The following KCNAB2 variants were observed in gnomAD, a reference collection of about 807,000 sequenced individuals.
The protein encoded by KCNAB2 is potassium voltage-gated channel subfamily A regulatory beta subunit 2.
Under a neutral mutation model 63.6 loss-of-function variants are expected in KCNAB2, and 29 were observed. That is an observed-to-expected ratio of 0.46 (90% CI 0.34 to 0.62). The LOEUF (loss-of-function observed/expected upper bound fraction) is 0.62. KCNAB2 is among the 20% of genes least tolerant of loss of function. The pLI is 0.01. For missense variants in KCNAB2, 359 were observed against 563.9 expected (o/e 0.64, Z 3.68); for synonymous variants, 222 against 224.2 (o/e 0.99, Z 0.09).
At chr1:6,009,163 C>T (rs990050442) in intron 1 of KCNAB2, among the ~76,000 whole-genome samples, 2 of 152,236 alleles carry the variant, frequency 1.3e-5, no homozygotes, top group African/African-American at 2.4e-5. Flanking sequence ...CTATGCAGCT[C>T]TCCAAGTCCC....
chr1:6,070,263 AC>A (rs1663086201), intron 2 of KCNAB2, among the ~76,000 whole-genome samples: 1 of 152,128 alleles, frequency 6.6e-6, no homozygotes, highest in African/African-American at 2.4e-5. Flanking sequence ...AGGGGTTATG[AC>A]CCCAAAGCAG....
intron 4 of KCNAB2, among the ~76,000 whole-genome samples, chr1:6,077,762 C>T (rs1663799913): frequency 6.6e-6 from 1 of 152,192 alleles, no homozygotes; most frequent in Non-Finnish European, 1.5e-5. Flanking sequence ...GCTTGCGGAG[C>T]CCCTGCCTAG....
intron 2 of KCNAB2, among the ~76,000 whole-genome samples, chr1:6,068,853 C>T (rs570485062): frequency 7.2e-5 from 11 of 152,308 alleles, no homozygotes; most frequent in East Asian, 5.8e-4. Flanking sequence ...TCCAGTGACA[C>T]GCACAGTCCA....
At chr1:6,057,025 C>G (rs527918168) in intron 2 of KCNAB2, among the ~76,000 whole-genome samples, 8 of 151,772 alleles carry the variant, frequency 5.3e-5, no homozygotes, top group Non-Finnish European at 1.0e-4. Flanking sequence ...CCGGAACACC[C>G]CCAGCCTCTG....
At chr1:5,998,930 TG>T (rs1420846716) in intron 1 of KCNAB2, among the ~76,000 whole-genome samples, 1 of 152,164 alleles carries the variant, frequency 6.6e-6, no homozygotes, top group Admixed American at 6.5e-5. Context: ...TTGCCGCCAA[TG>T]GCTCTGGAGA....
chr1:6,074,999 C>T lies in KCNAB2; in HGVS notation c.300+1229C>T, dbSNP rs981102052. Among the ~76,000 whole-genome samples, 1 of 151,928 alleles carries T rather than the reference C, an allele frequency of 6.6e-6. No homozygotes were observed. Among genetic ancestry groups the T allele is most frequent in the East Asian group, 1.9e-4 (1 of 5,186 alleles). On this transcript the variant is annotated intron_variant, in intron 4 of 15. Transcript: ENST00000378083. The surrounding 1 kb of genome is among the most constrained non-coding windows in gnomAD (Gnocchi z 4.9). ...ATAGCTGGTTATAGAATGATTTGCC[C>T]CTTGCTTTGAAGTTGCTGGATAGGC...
intron 2 of KCNAB2, among the ~76,000 whole-genome samples, chr1:6,064,519 C>T (rs1156907516): frequency 6.6e-6 from 1 of 152,206 alleles, no homozygotes; most frequent in African/African-American, 2.4e-5. Context: ...TGCTGCTGGT[C>T]ACACCCTATA....
chr1:6,076,912 G>C (rs1220147252), intron 4 of KCNAB2, among the ~76,000 whole-genome samples: 3 of 152,200 alleles, frequency 2.0e-5, no homozygotes, highest in African/African-American at 7.2e-5. Flanking sequence ...AGGTCTAGGG[G>C]CGGTGGCTCA....
At chr1:6,080,211 C>G (rs1372113056) in intron 4 of KCNAB2, among the ~76,000 whole-genome samples, 1 of 152,180 alleles carries the variant, frequency 6.6e-6, no homozygotes, top group Non-Finnish European at 1.5e-5. Context: ...CCTCCTGGGC[C>G]TGGATGTGGG....
chr1:6,003,460 C>T lies in KCNAB2; in HGVS notation c.-53+10672C>T, dbSNP rs916727493. Among the ~76,000 whole-genome samples, 4 of 152,202 alleles carry T rather than the reference C, an allele frequency of 2.6e-5. No homozygotes were observed. Among genetic ancestry groups the T allele is most frequent in the African/African-American group, 9.7e-5 (4 of 41,438 alleles). On this transcript the variant is annotated intron_variant, in intron 1 of 16. Transcript: ENST00000341524. The surrounding 1 kb of genome is among the most constrained non-coding windows in gnomAD (Gnocchi z 4.1). ...CACCGTCCACCTTCTCCACTCTTAG[C>T]GCGAGCCCTGCCCCAGCCAGGAGCA...
At chr1:6,055,319 T>C (rs1661719840) in intron 2 of KCNAB2, among the ~76,000 whole-genome samples, 2 of 151,840 alleles carry the variant, frequency 1.3e-5, no homozygotes, top group Non-Finnish European at 1.5e-5. Context: ...GGGATCTCGC[T>C]TCTCAGGGAG....
intron 1 of KCNAB2, among the ~76,000 whole-genome samples, chr1:6,039,283 G>A (rs1660305962): frequency 1.3e-5 from 2 of 152,196 alleles, no homozygotes; most frequent in African/African-American, 2.4e-5. Flanking sequence ...GGCCTGAGGG[G>A]GCAGTGCCTA....
chr1:6,005,436 A>G (rs1657599916), intron 1 of KCNAB2, among the ~76,000 whole-genome samples: 1 of 127,038 alleles, frequency 7.9e-6, no homozygotes, highest in African/African-American at 3.1e-5. Flanking sequence ...GGGTTGTGTG[A>G]GCTGAGCTGA....
chr1:6,066,500 G>A (rs1662768690), intron 2 of KCNAB2, among the ~76,000 whole-genome samples: 1 of 152,230 alleles, frequency 6.6e-6, no homozygotes, highest in African/African-American at 2.4e-5. Context: ...CAGTTTCAGG[G>A]GGAGATGGTG....
chr1:5,997,823 A>G (rs1657023841), intron 1 of KCNAB2, among the ~76,000 whole-genome samples: 2 of 152,262 alleles, frequency 1.3e-5, no homozygotes, highest in African/African-American at 4.8e-5. Context: ...CGATCTATTC[A>G]TTATAAAACA....
rs372692299 is a variant in KCNAB2, at chr1:6,086,464, G to T, written c.426-1003G>T. On this transcript the variant is annotated intron_variant, in intron 6 of 15. Coordinates refer to ENST00000378083, the MANE Select transcript of KCNAB2 (RefSeq NM_001199862.2). The surrounding 1 kb of genome is among the most constrained non-coding windows in gnomAD (Gnocchi z 4.2). ...ACGCTGCCTCTGCCAGAGCTCTGTG[G>T]CCGATGCTTCGGGGCAGAGGAGGCC... The T allele has an allele frequency of 3.5e-6, 3 of 851,772 alleles. No homozygotes were observed. Among genetic ancestry groups the T allele is most frequent in the African/African-American group, 1.8e-5 (1 of 54,536 alleles). The allele number at this position is 851,772 out of a possible 1,614,324, so 52.8% of individuals were successfully genotyped here.
At chr1:6,015,059 T>G (rs1427391790) in intron 1 of KCNAB2, among the ~76,000 whole-genome samples, 3 of 124,868 alleles carry the variant, frequency 2.4e-5, no homozygotes, top group African/African-American at 9.2e-5. Context: ...TGAGATGGAG[T>G]CTCACTCTGT....
At chr1:6,009,124 G>A (rs1213981122) in intron 1 of KCNAB2, among the ~76,000 whole-genome samples, 5 of 152,206 alleles carry the variant, frequency 3.3e-5, no homozygotes, top group Non-Finnish European at 5.9e-5. Context: ...TTCTCATCTC[G>A]GGACATGAGC....
chr1:6,066,114 C>T (rs1345515376), intron 2 of KCNAB2, among the ~76,000 whole-genome samples: 1 of 152,212 alleles, frequency 6.6e-6, no homozygotes, highest in Non-Finnish European at 1.5e-5. Context: ...GGCCGGGGCC[C>T]TGAGGATCGG....
Sources: allele counts gnomAD v4.1 joint callset (sites outside exome capture counted in the v4.1 genomes callset), GRCh38; gene constraint gnomAD v4.1.1; non-coding constraint Gnocchi (gnomAD v3.1); transcripts MANE v1.5; gene names NCBI Gene and HGNC (gene_info 2026-07-23, HGNC 2026-07-21).